The following CDC42BPA variants were observed in gnomAD, a reference collection of about 807,000 sequenced individuals.
CDC42BPA encodes the protein serine/threonine-protein kinase MRCK alpha.
In CDC42BPA, 80 loss-of-function variants were observed where a neutral mutation model predicts 223.5. That is an observed-to-expected ratio of 0.36 (90% CI 0.30 to 0.43). The LOEUF is 0.43. Ranked by LOEUF, CDC42BPA falls within the 20% of genes least tolerant of loss-of-function variation. The pLI is 1.00. For synonymous variants in CDC42BPA, 694 were observed against 718.6 expected, an observed-to-expected ratio of 0.97 and a Z score of 0.55; for missense variants, 1,743 against 2,099.9, an observed-to-expected ratio of 0.83 and a Z score of 3.32.
chr1:227,151,881 C>CAAAAAAAAA, intron 6 of CDC42BPA, among the ~76,000 whole-genome samples: 1 of 85,770 alleles, frequency 1.2e-5, no homozygotes, highest in Non-Finnish European at 2.2e-5. Flanking sequence ...CCAGTCTCTA[C>CAAAAAAAAA]AAAAAAAAAA....
At position 227,160,610 on chromosome 1, in the gene CDC42BPA, A is replaced by G; in HGVS notation, c.626T>C (p.Met209Thr). 1 of 1,604,496 alleles carries G rather than the reference A, an allele frequency of 6.2e-7. No homozygotes were observed. Among genetic ancestry groups the G allele is most frequent in the Non-Finnish European group, 8.5e-7 (1 of 1,171,786 alleles). ...HRDIKPDNIL[M>T]DMNGHIRLAD... ...TAACCGAATATGTCCATTCATATCC[A>G]TCAGTATATTGTCAGGTTTAATGTC... is the stretch of plus-strand genomic sequence containing the variant. The change falls in exon 6 of 37, where the codon ATG (methionine) becomes ACG (threonine). Residue 209 changes from methionine to threonine, a missense_variant. Around this residue, in one of 6 missense-constraint regions of CDC42BPA, gnomAD observed 321 missense variants for 488.7 expected, o/e 0.66. Coordinates refer to ENST00000366766, the MANE Select transcript of CDC42BPA (RefSeq NM_001394014.1).
intron 19 of CDC42BPA, 114 bp from the exon 20 acceptor site, chr1:227,072,413 G>A (rs751629250): frequency 1.3e-4 from 84 of 622,752 alleles, no homozygotes; most frequent in Non-Finnish European, 2.2e-4. Context: ...TAAATTAGGG[G>A]ACTATAAATT....
intron 4 of CDC42BPA, among the ~76,000 whole-genome samples, chr1:227,197,657 T>C (rs1458551536): frequency 1.3e-5 from 2 of 152,142 alleles, no homozygotes; most frequent in Non-Finnish European, 2.9e-5. Flanking sequence ...CAAAATTATA[T>C]AATTATTTCT....
At chr1:227,168,316 C>A (rs1665414833) in intron 5 of CDC42BPA, among the ~76,000 whole-genome samples, 3 of 151,922 alleles carry the variant, frequency 2.0e-5, no homozygotes, top group Admixed American at 6.6e-5. Flanking sequence ...ATTCTTAAGT[C>A]TCTCTTTTAG....
At chr1:227,030,328 T>A (rs1438319950) in intron 29 of CDC42BPA, 80 bp downstream of exon 29, 1 of 833,644 alleles carries the variant, frequency 1.2e-6, no homozygotes, top group Admixed American at 2.4e-5. Flanking sequence ...AATCCTGCTC[T>A]TTGTAGAATT....
chr1:227,178,483 T>C, intron 5 of CDC42BPA: 1 of 153,612 alleles, frequency 6.5e-6, no homozygotes, highest in Non-Finnish European at 1.4e-5. Flanking sequence ...AGTCTTGGGG[T>C]ATGTCTTGTC....
rs1022329812 is a variant in CDC42BPA at position 226,993,578 on chromosome 1, T to G, written c.*690A>C. On this transcript the variant is annotated 3_prime_UTR_variant, in exon 37 of 37. Transcript: ENST00000366766. ...TCGCTCTCTCTCTACAAATGTGAGC[T>G]TGAGGCCTTTCCACCCTTTACATTA... 1.3e-5 allele frequency: 2 copies of G among 152,668 alleles called. No homozygotes were observed. Among genetic ancestry groups the G allele is most frequent in the African/African-American group, 4.8e-5 (2 of 41,454 alleles). The allele number at this position is 152,668 out of a possible 1,614,324, so 9.5% of individuals were successfully genotyped here.
chr1:227,043,929 GT>G (rs1671895268), intron 23 of CDC42BPA, among the ~76,000 whole-genome samples: 3 of 152,076 alleles, frequency 2.0e-5, no homozygotes, highest in Admixed American at 2.0e-4. Context: ...ACTCTACACT[GT>G]CTAGGTTCTC....
intron 25 of CDC42BPA, among the ~76,000 whole-genome samples, chr1:227,035,065 A>G (rs908507405): frequency 1.4e-4 from 21 of 152,164 alleles, no homozygotes; most frequent in Admixed American, 1.4e-3. Context: ...TTAAAATAAC[A>G]CTCATGGGTT....
chr1:227,088,115 C>T (rs773954700), intron 16 of CDC42BPA, among the ~76,000 whole-genome samples: 15 of 152,248 alleles, frequency 9.9e-5, no homozygotes, highest in Admixed American at 4.6e-4. Context: ...GCATGGACTC[C>T]GGAGCCCGAC....
At position 227,028,704 on chromosome 1, in the gene CDC42BPA, C is replaced by T. The variant is rs755104034; in HGVS notation, c.4385G>A (p.Arg1462Lys). 1.2e-6 allele frequency: 2 copies of T among 1,601,062 alleles called. No individual in the cohort carries two copies. The highest frequency in any genetic ancestry group is 1.1e-5 in the South Asian group (1 of 89,460). ...IGIYTDCQGRRSRQQELMWPA... is the reference protein window; with the variant it reads ...IGIYTDCQGRKSRQQELMWPA... ...CCACATCAATTCCTGTTGTCTAGAT[C>T]TTCGGCCCTGGCAGTCAGTGTATAT... Residue 1462 changes from arginine to lysine, a missense_variant, in exon 30 of 37, where the codon AGA (arginine) becomes AAA (lysine). Physicochemically the swap from Arg to Lys is conservative, Grantham distance 26. This residue lies in a region of CDC42BPA where 678 missense variants were observed against 777.5 expected (regional missense o/e 0.87). Coordinates refer to ENST00000366766, the MANE Select transcript of CDC42BPA (RefSeq NM_001394014.1).
chr1:227,082,710 G>A (rs983134050), intron 16 of CDC42BPA, among the ~76,000 whole-genome samples: 1 of 78,172 alleles, frequency 1.3e-5, no homozygotes, highest in Non-Finnish European at 2.3e-5. Context: ...ATGAGACTCT[G>A]TCTCAAAAAA....
At position 227,080,909 on chromosome 1, in the gene CDC42BPA, T is replaced by A. The variant is rs1293855332; in HGVS notation, c.2464A>T (p.Thr822Ser). The stretch of plus-strand genomic sequence containing the variant: ...AGCACTCACCACTGAATTATTTCTG[T>A]GATTTGGGCTTCCCAATGTGCAACT... The part of the protein sequence containing the change: ...ESVAHWEAQI[T>S]EIIQWVSDEK... The change falls in exon 17 of 37, where the codon ACA becomes TCA. Residue 822 changes from threonine to serine, a missense_variant. By Grantham distance (58) the Thr-to-Ser change is moderately conservative. This residue lies in a region of CDC42BPA where 464 missense variants were observed against 488.0 expected (regional missense o/e 0.95). Transcript: ENST00000366766. The A allele has an allele frequency of 1.2e-6, 2 of 1,613,630 alleles. No homozygotes were observed. The highest frequency in any genetic ancestry group is 8.5e-7 in the Non-Finnish European group (1 of 1,179,870).
intron 3 of CDC42BPA, among the ~76,000 whole-genome samples, chr1:227,202,708 C>T (rs929068506): frequency 2.7e-4 from 41 of 149,716 alleles, no homozygotes; most frequent in African/African-American, 8.6e-4. Flanking sequence ...TCGCTTGAGG[C>T]CTGAAGTTTG....
At chr1:227,229,653 G>A (rs578091371) in intron 2 of CDC42BPA, among the ~76,000 whole-genome samples, 16 of 152,126 alleles carry the variant, frequency 1.1e-4, no homozygotes, top group Middle Eastern at 3.4e-3. Context: ...ATGTCTTTTC[G>A]TTTGCCTAGG....
chr1:227,060,584 G>A (rs979233146), intron 21 of CDC42BPA, among the ~76,000 whole-genome samples: 2 of 152,074 alleles, frequency 1.3e-5, no homozygotes, highest in Non-Finnish European at 2.9e-5. Flanking sequence ...GGGACCTAGA[G>A]GAGGGAACTT....
chr1:227,087,586 G>C (rs2149207810), intron 16 of CDC42BPA, among the ~76,000 whole-genome samples: 1 of 152,256 alleles, frequency 6.6e-6, no homozygotes, highest in East Asian at 1.9e-4. Context: ...ATTTTGATAG[G>C]GATGTCCCAA....
intron 1 of CDC42BPA, among the ~76,000 whole-genome samples, chr1:227,307,986 A>C (rs1692852890): frequency 6.6e-6 from 1 of 152,232 alleles, no homozygotes; most frequent in Non-Finnish European, 1.5e-5. Flanking sequence ...TTATATAACA[A>C]CAAAATGTTC....
intron 2 of CDC42BPA, among the ~76,000 whole-genome samples, chr1:227,243,866 C>T (rs1184156120): frequency 1.3e-5 from 2 of 151,904 alleles, no homozygotes; most frequent in East Asian, 3.9e-4. Flanking sequence ...CATGCAACTC[C>T]TACTTACCCA....
Sources: allele counts gnomAD v4.1 joint callset (sites outside exome capture counted in the v4.1 genomes callset), GRCh38; gene constraint gnomAD v4.1.1; regional missense constraint gnomAD v4.1.1; transcripts MANE v1.5; gene names NCBI Gene and HGNC (gene_info 2026-07-23, HGNC 2026-07-21).